The following EDA variants were observed in gnomAD, a reference collection of about 807,000 sequenced individuals.
EDA encodes the protein ectodysplasin-A.
A neutral mutation model predicts 23.6 loss-of-function variants in EDA; 2 were observed. The ratio of observed to expected loss-of-function variants is 0.08; its 90% confidence interval spans 0.03 to 0.27. EDA has a LOEUF of 0.27. Ranked by LOEUF, EDA falls within the 10% of genes least tolerant of loss-of-function variation. The pLI is 1.00. For missense variants in EDA, 229 were observed against 324.2 expected (o/e 0.71, Z 2.26); for synonymous variants, 131 against 132.0 (o/e 0.99, Z 0.05).
intron 1 of EDA, among the ~76,000 whole-genome samples, chrX:69,681,700 G>T (rs1436449959): frequency 9.1e-6 from 1 of 109,627 alleles, no homozygotes; most frequent in African/African-American, 3.3e-5. Context: ...TCTCTGTATT[G>T]GTTATTCTAG....
At chrX:69,948,987 G>A (rs2018875322) in intron 1 of EDA, among the ~76,000 whole-genome samples, 1 of 111,892 alleles carries the variant, frequency 8.9e-6, no homozygotes, top group Non-Finnish European at 1.9e-5. Flanking sequence ...CTTATATCTT[G>A]CTATAGTGAA....
intron 1 of EDA, among the ~76,000 whole-genome samples, chrX:69,833,351 C>T (rs764551641): frequency 9.0e-5 from 10 of 111,436 alleles, no homozygotes; most frequent in East Asian, 5.6e-4. Context: ...TATTGATTTG[C>T]GTATGTTGAA....
intron 1 of EDA, among the ~76,000 whole-genome samples, chrX:69,731,754 G>C (rs1244096849): frequency 9.0e-6 from 1 of 111,704 alleles, no homozygotes; most frequent in Admixed American, 9.5e-5. Context: ...TCTAACATAA[G>C]CATTTAATAC....
chrX:69,687,428 C>T (rs1428297476), intron 1 of EDA, among the ~76,000 whole-genome samples: 2 of 111,184 alleles, frequency 1.8e-5, no homozygotes, highest in African/African-American at 6.5e-5. Flanking sequence ...CAATATTAAG[C>T]CCTCCAGTCT....
At chrX:69,948,052 G>T (rs1183129729) in intron 1 of EDA, among the ~76,000 whole-genome samples, 1 of 111,764 alleles carries the variant, frequency 8.9e-6, no homozygotes, top group Admixed American at 9.5e-5. Flanking sequence ...TGCCATTGAG[G>T]AGGCATAGCT....
At chrX:69,987,241 A>G (rs1436884289) in intron 2 of EDA, among the ~76,000 whole-genome samples, 1 of 100,920 alleles carries the variant, frequency 9.9e-6, no homozygotes, top group Non-Finnish European at 2.0e-5. Flanking sequence ...AACCTGCACA[A>G]TGTGCACATG....
At chrX:69,875,799 C>G (rs1159950142) in intron 1 of EDA, among the ~76,000 whole-genome samples, 2 of 110,220 alleles carry the variant, frequency 1.8e-5, no homozygotes, top group Non-Finnish European at 3.8e-5. Context: ...CCCAAAAAAC[C>G]AAAGAATCCC....
chrX:69,772,571 A>G (rs1405913656), intron 1 of EDA, among the ~76,000 whole-genome samples: 3 of 111,366 alleles, frequency 2.7e-5, no homozygotes, highest in Non-Finnish European at 5.6e-5. Flanking sequence ...GGACTGGGGT[A>G]TGATTGATCC....
chrX:69,957,142 C>T lies in EDA; in HGVS notation c.502+10C>T, dbSNP rs771904661. On this transcript the variant is annotated intron_variant, in intron 2 of 7. Transcript: ENST00000374552. ...AATGAAGGAGCAGATGGTAAGTCTA[C>T]TCAGTTGATCCTTTATCACTTCTGA... 18 of 1,174,186 alleles carry T rather than the reference C, an allele frequency of 1.5e-5. No individual in the cohort carries two copies. In the Admixed American group the frequency reaches 3.9e-4, roughly 26 times the overall value.
chrX:69,689,356 C>T (rs1018978378), intron 1 of EDA, among the ~76,000 whole-genome samples: 13 of 104,179 alleles, frequency 1.2e-4, no homozygotes, highest in South Asian at 4.5e-4. Flanking sequence ...AGTGCAGTGG[C>T]GCAATCTTGG....
intron 1 of EDA, among the ~76,000 whole-genome samples, chrX:69,897,117 A>C (rs1464147082): frequency 9.1e-6 from 1 of 109,952 alleles, no homozygotes; most frequent in East Asian, 2.9e-4. Flanking sequence ...AGAGAAAAAA[A>C]TTTGCACAAA....
At chrX:69,792,327 C>T (rs1361628703) in intron 1 of EDA, among the ~76,000 whole-genome samples, 3 of 112,130 alleles carry the variant, frequency 2.7e-5, no homozygotes, top group Non-Finnish European at 5.6e-5. Context: ...GAGTGGTGTT[C>T]CATGGTGCAT....
intron 1 of EDA, among the ~76,000 whole-genome samples, chrX:69,912,656 T>C (rs745919980): frequency 2.9e-4 from 32 of 111,533 alleles, no homozygotes; most frequent in Admixed American, 3.8e-4. Flanking sequence ...GTCTCAATAC[T>C]GGACTTAAAA....
intron 1 of EDA, among the ~76,000 whole-genome samples, chrX:69,739,560 A>C (rs1215005955): frequency 2.7e-5 from 3 of 110,167 alleles, no homozygotes; most frequent in Non-Finnish European, 5.7e-5. Flanking sequence ...TTGTTCCTCT[A>C]TTTGTACTTC....
At chrX:69,675,781 T>C (rs145561941) in intron 1 of EDA, among the ~76,000 whole-genome samples, 1,539 of 110,839 alleles carry the variant, frequency 0.014, 20 homozygotes, top group African/African-American at 0.046. Context: ...TGTCAGATAA[T>C]ACAAAGTTAT....
intron 1 of EDA, among the ~76,000 whole-genome samples, chrX:69,928,846 G>A (rs2018557171): frequency 9.0e-6 from 1 of 111,343 alleles, no homozygotes; most frequent in Non-Finnish European, 1.9e-5. Flanking sequence ...GAAAAACACT[G>A]AAGTAGGAAC....
chrX:69,721,655 G>T (rs1388446853), intron 1 of EDA, among the ~76,000 whole-genome samples: 1 of 110,981 alleles, frequency 9.0e-6, no homozygotes, highest in Non-Finnish European at 1.9e-5. Flanking sequence ...GAGCCCACGT[G>T]GGCTGATCTC....
rs137942206 is a variant in EDA, at chrX:69,771,615, C to T, written c.396+154911C>T. Among the ~76,000 whole-genome samples, 220 of 111,558 alleles carry T rather than the reference C, an allele frequency of 2.0e-3. 1 individual carries two copies. The highest frequency in any genetic ancestry group is 6.9e-3 in the African/African-American group (212 of 30,703). ...AAATTAGATATTGGTGAAACAACTA[C>T]GTGAATATGCAAAATACCATTAAGT... On this transcript the variant is annotated intron_variant, in intron 1 of 7. Transcript: ENST00000374552.
At chrX:69,957,388 A>G in intron 2 of EDA, 1 of 309,053 alleles carries the variant, frequency 3.2e-6, no homozygotes, top group Non-Finnish European at 5.7e-6. Context: ...CTAAGGCAGG[A>G]GAATCGCTTG....
Sources: gnomAD v4.1 joint callset for allele counts (sites outside exome capture counted in the v4.1 genomes callset) on GRCh38, gnomAD v4.1.1 for gene constraint, MANE v1.5 for transcripts, NCBI Gene and HGNC (gene_info 2026-07-23, HGNC 2026-07-21) for gene names.